PIGF: variants seen among roughly 807,000 people sequenced by gnomAD.
PIGF encodes GPI ethanolamine phosphate transferase, stabilizing subunit.
In PIGF, 23 loss-of-function variants were observed where a neutral mutation model predicts 26.0. That is an observed-to-expected ratio of 0.88 (90% CI 0.64 to 1.25). The LOEUF (loss-of-function observed/expected upper bound fraction) is 1.25. Ranked by LOEUF, PIGF falls within the 50% of genes most tolerant of loss-of-function variation. PIGF has a pLI of 0.00. For missense variants in PIGF, 278 were observed against 249.9 expected (o/e 1.11, Z -0.76); for synonymous variants, 93 against 92.6 (o/e 1.00, Z -0.03).
chr2:46,603,035 T>C (rs773866144), intron 4 of PIGF, among the ~76,000 whole-genome samples: 49 of 151,890 alleles, frequency 3.2e-4, no homozygotes, highest in Admixed American at 5.2e-4. Context: ...AAAATCAACA[T>C]ACAAAAATCA....
At chr2:46,610,401 A>G (rs1670372926) in intron 4 of PIGF, among the ~76,000 whole-genome samples, 1 of 152,230 alleles carries the variant, frequency 6.6e-6, no homozygotes, top group East Asian at 1.9e-4. Flanking sequence ...AAAGGCTAAA[A>G]GCAATTAATA....
At chr2:46,605,605 A>G (rs1376307588) in intron 4 of PIGF, among the ~76,000 whole-genome samples, 1 of 152,178 alleles carries the variant, frequency 6.6e-6, no homozygotes, top group Admixed American at 6.5e-5. Flanking sequence ...TATTCTAATC[A>G]TATTACATAT....
intron 4 of PIGF, among the ~76,000 whole-genome samples, chr2:46,597,124 T>TG (rs1385256687): frequency 2.6e-5 from 4 of 152,182 alleles, no homozygotes; most frequent in African/African-American, 9.7e-5. Flanking sequence ...TGCTGTGCTG[T>TG]GGGGTCCCTG....
chr2:46,585,263 G>A (rs1669532588), intron 5 of PIGF, among the ~76,000 whole-genome samples: 1 of 152,106 alleles, frequency 6.6e-6, no homozygotes. Context: ...AAATGACAAG[G>A]GCCCAAGCAC....
At chr2:46,608,100 C>A (rs2104126398) in intron 4 of PIGF, among the ~76,000 whole-genome samples, 1 of 152,314 alleles carries the variant, frequency 6.6e-6, no homozygotes, top group African/African-American at 2.4e-5. Flanking sequence ...GTTTGACAGC[C>A]TTTTACCCAG....
In PIGF at chr2:46,589,948, T is replaced by C. The variant is rs989747555; in HGVS notation, c.546+2527A>G. ...GGGCAAGGAGCAGATGAGTGCTATATGAATAAAAGATTTTTAATTATACAT... is the reference window on the plus strand; with the variant it reads ...GGGCAAGGAGCAGATGAGTGCTATACGAATAAAAGATTTTTAATTATACAT... On this transcript the variant is annotated intron_variant, in intron 5 of 5. Coordinates refer to ENST00000281382, the MANE Select transcript of PIGF (RefSeq NM_002643.4). The surrounding 1 kb of genome is among the most constrained non-coding windows in gnomAD (Gnocchi z 4.7). 1.3e-5 allele frequency among the ~76,000 whole-genome samples: 2 copies of C among 152,048 alleles called. No individual in the cohort carries two copies. The highest frequency in any genetic ancestry group is 1.9e-4 in the East Asian group (1 of 5,202).
At chr2:46,603,332 C>A (rs1670118526) in intron 4 of PIGF, among the ~76,000 whole-genome samples, 1 of 152,008 alleles carries the variant, frequency 6.6e-6, no homozygotes, top group Non-Finnish European at 1.5e-5. Flanking sequence ...AATACCAACA[C>A]TATTCTTCAC....
chr2:46,607,993 C>T (rs527441413), intron 4 of PIGF, among the ~76,000 whole-genome samples: 174 of 152,272 alleles, frequency 1.1e-3, no homozygotes, highest in African/African-American at 4.0e-3. Context: ...CCACTGCGCC[C>T]AGCCGGCAAT....
chr2:46,616,819 T>G, intron 1 of PIGF, 151 bp downstream of exon 1: 2 of 203,796 alleles, frequency 9.8e-6, no homozygotes, highest in South Asian at 6.7e-5. Flanking sequence ...CGAAAGGGGG[T>G]CTGTCCATCA....
intron 5 of PIGF, among the ~76,000 whole-genome samples, chr2:46,586,337 T>C (rs1480565404): frequency 1.3e-5 from 2 of 152,192 alleles, no homozygotes; most frequent in Non-Finnish European, 2.9e-5. Flanking sequence ...TTCGAAACTA[T>C]TTGTGGAGCC....
chr2:46,592,992 T>C (rs1433421682), intron 4 of PIGF, among the ~76,000 whole-genome samples: 1 of 152,248 alleles, frequency 6.6e-6, no homozygotes, highest in Non-Finnish European at 1.5e-5. Flanking sequence ...TTTGCATAAA[T>C]ACACATGTAC....
chr2:46,606,441 T>A (rs566759541), intron 4 of PIGF, among the ~76,000 whole-genome samples: 1 of 152,196 alleles, frequency 6.6e-6, no homozygotes, highest in Non-Finnish European at 1.5e-5. Context: ...TCTGTTTTTA[T>A]GTGTTTAGTT....
At chr2:46,603,524 G>C (rs911883114) in intron 4 of PIGF, among the ~76,000 whole-genome samples, 1 of 152,014 alleles carries the variant, frequency 6.6e-6, no homozygotes, top group Non-Finnish European at 1.5e-5. Context: ...TAGACCAATA[G>C]AACAAATAGA....
rs1401892541 is a variant in PIGF, at chr2:46,614,963, A to T, written c.202T>A (p.Ser68Thr). 2 of 1,567,276 alleles carry T rather than the reference A, an allele frequency of 1.3e-6. No individual in the cohort carries two copies. The highest frequency in any genetic ancestry group is 1.7e-5 in the Admixed American group (1 of 59,920). Reference protein sequence around the residue: ...LYLVVKPNTSSKRSSLSHKVT... With the variant: ...LYLVVKPNTSTKRSSLSHKVT... The stretch of plus-strand genomic sequence containing the variant: ...TTGTGTGATAATGAACTTCTTTTAG[A>T]GGATGTATTTGGTTTCACTACTAAA... Residue 68 changes from serine (S) to threonine (T), a missense_variant, in exon 2 of 6, where the codon TCT (serine) becomes ACT (threonine). Coordinates refer to ENST00000281382, the MANE Select transcript of PIGF (RefSeq NM_002643.4).
rs1669736089 is a variant in PIGF at position 46,592,015 on chromosome 2, T to G, written c.546+460A>C. ...ACCACAAGGGCAATAAATATCAAAG[T>G]TGAAAATAGGAAATTTCTGCAGCTA... On this transcript the variant is annotated intron_variant, in intron 5 of 5. Transcript: ENST00000281382. 23 of 1,265,414 alleles carry G rather than the reference T, an allele frequency of 1.8e-5. No individual in the cohort carries two copies. The South Asian group carries it at 2.7e-4, about 15-fold the overall frequency. 78.4% of individuals were successfully genotyped at this position (1,265,414 alleles called of 1,614,324 possible).
intron 4 of PIGF, 135 bp downstream of exon 4, chr2:46,612,093 A>AC (rs1261747747): frequency 2.7e-6 from 1 of 363,758 alleles, no homozygotes; most frequent in African/African-American, 2.1e-5. Flanking sequence ...AATTGCAGTG[A>AC]CCCCTTAAGG....
rs1387821524 is a variant in PIGF at position 46,589,179 on chromosome 2, C to T, written c.546+3296G>A. 6.6e-6 allele frequency among the ~76,000 whole-genome samples: 1 copy of T among 151,964 alleles called. No homozygotes were observed. The highest frequency in any genetic ancestry group is 2.4e-5 in the African/African-American group (1 of 41,404). ...CTACCATATTCTCTTTAACCATATC[C>T]CCTTGCTGCCTTCTACAAAAGAAAG... On this transcript the variant is annotated intron_variant, in intron 5 of 5. Coordinates refer to ENST00000281382, the MANE Select transcript of PIGF (RefSeq NM_002643.4). This position sits in a 1 kb window ranked among gnomAD's most constrained non-coding sequence, Gnocchi z 4.7.
chr2:46,603,954 T>C (rs946165658), intron 4 of PIGF, among the ~76,000 whole-genome samples: 1 of 151,910 alleles, frequency 6.6e-6, no homozygotes, highest in African/African-American at 2.4e-5. Context: ...TTCCAATCTA[T>C]CTATCTAACA....
intron 4 of PIGF, among the ~76,000 whole-genome samples, chr2:46,596,925 T>C (rs1395779860): frequency 6.6e-6 from 1 of 152,234 alleles, no homozygotes; most frequent in Admixed American, 6.5e-5. Context: ...TCTTTTCTCA[T>C]AGTAAATATA....
Sources: gnomAD v4.1 joint callset for allele counts (sites outside exome capture counted in the v4.1 genomes callset) on GRCh38, gnomAD v4.1.1 for gene constraint, Gnocchi (gnomAD v3.1) non-coding constraint, MANE v1.5 for transcripts, NCBI Gene and HGNC (gene_info 2026-07-23, HGNC 2026-07-21) for gene names.